ZNF618: variants seen among roughly 807,000 people sequenced by gnomAD.
ZNF618 encodes zinc finger protein 618.
Under a neutral mutation model 103.0 loss-of-function variants are expected in ZNF618, and 34 were observed. The ratio of observed to expected loss-of-function variants is 0.33; its 90% CI spans 0.25 to 0.44. The LOEUF (loss-of-function observed/expected upper bound fraction) is 0.44. Ranked by LOEUF, ZNF618 falls within the 20% of genes least tolerant of loss-of-function variation. The probability of loss-of-function intolerance (pLI) is 1.00; values close to 1 mark genes in which losing one functional copy is unlikely to be tolerated. For synonymous variants in ZNF618, 551 were observed against 542.2 expected (o/e 1.02, Z -0.23); for missense variants, 1,059 against 1,295.4 (o/e 0.82, Z 2.80).
chr9:113,886,462 C>T (rs1564128739), intron 1 of ZNF618, among the ~76,000 whole-genome samples: 3 of 151,884 alleles, frequency 2.0e-5, no homozygotes, highest in African/African-American at 7.3e-5. Context: ...AAAGAATAGA[C>T]GAAGACATTT....
chr9:113,985,619 G>A (rs1839402921), intron 2 of ZNF618, among the ~76,000 whole-genome samples: 1 of 152,304 alleles, frequency 6.6e-6, no homozygotes, highest in Non-Finnish European at 1.5e-5. Flanking sequence ...GCTCACCCAC[G>A]AGCATCTTGG....
chr9:113,998,277 G>C lies in ZNF618; in HGVS notation c.356G>C (p.Gly119Ala). 5.2e-6 allele frequency: 8 copies of C among 1,550,584 alleles called. No individual in the cohort carries two copies. The highest frequency in any genetic ancestry group is 7.0e-6 in the Non-Finnish European group (8 of 1,146,990). ...QQTLDGKAPE[G>A]SPHGGSVRSR... is the part of the protein sequence containing the mutation. ...AATTCAGATGGAAAAGCGCCCGAAG[G>C]CAGCCCCCACGGTGGATCTGTGCGA... The change falls in exon 4 of 15, where the codon GGC (glycine) becomes GCC (alanine). Residue 119 changes from glycine to alanine, a missense_variant. Transcript: ENST00000374126.
chr9:113,949,271 A>C (rs527795522), intron 1 of ZNF618, among the ~76,000 whole-genome samples: 2 of 152,344 alleles, frequency 1.3e-5, no homozygotes, highest in South Asian at 4.1e-4. Context: ...GAGCATTTCC[A>C]TTGCAGTCCC....
chr9:114,015,284 T>C (rs1274015750), intron 9 of ZNF618, among the ~76,000 whole-genome samples: 1 of 152,246 alleles, frequency 6.6e-6, no homozygotes, highest in Non-Finnish European at 1.5e-5. Flanking sequence ...ACAAAGAGTT[T>C]AGCCATTTCA....
At chr9:113,959,243 C>T (rs1047042738) in intron 1 of ZNF618, among the ~76,000 whole-genome samples, 2 of 152,036 alleles carry the variant, frequency 1.3e-5, no homozygotes, top group Admixed American at 6.5e-5. Context: ...GCCGAGATTG[C>T]GCCATTGCAC....
At chr9:113,916,966 C>A (rs1347693057) in intron 1 of ZNF618, among the ~76,000 whole-genome samples, 1 of 152,130 alleles carries the variant, frequency 6.6e-6, no homozygotes, top group Non-Finnish European at 1.5e-5. Flanking sequence ...CTCTGCCAAG[C>A]CTTTGGGCGG....
chr9:113,919,088 C>T (rs955635373), intron 1 of ZNF618, among the ~76,000 whole-genome samples: 1 of 152,124 alleles, frequency 6.6e-6, no homozygotes, highest in Non-Finnish European at 1.5e-5. Context: ...AGCTTGTTTT[C>T]AGTTTTATCC....
intron 9 of ZNF618, among the ~76,000 whole-genome samples, chr9:114,013,200 G>A (rs964958774): frequency 5.3e-5 from 8 of 152,052 alleles, no homozygotes; most frequent in Non-Finnish European, 1.0e-4. Context: ...ACTTAAAAAC[G>A]TATTTTTTTT....
chr9:113,984,724 CTT>C (rs1327592884), intron 2 of ZNF618, among the ~76,000 whole-genome samples: 1 of 152,236 alleles, frequency 6.6e-6, no homozygotes, highest in African/African-American at 2.4e-5. Context: ...CCTTCCATCT[CTT>C]TGCCTACTGA....
chr9:113,908,636 C>T (rs1351222733), intron 1 of ZNF618, among the ~76,000 whole-genome samples: 1 of 152,112 alleles, frequency 6.6e-6, no homozygotes, highest in Non-Finnish European at 1.5e-5. Context: ...CAGCAGGTTC[C>T]TATCTGCTTG....
intron 1 of ZNF618, among the ~76,000 whole-genome samples, chr9:113,933,443 G>A (rs776163011): frequency 6.6e-6 from 1 of 152,224 alleles, no homozygotes; most frequent in Admixed American, 6.5e-5. Context: ...GGGGCAGCAC[G>A]CAGGAAGAGT....
chr9:113,877,602 A>G (rs537629911), intron 1 of ZNF618, among the ~76,000 whole-genome samples: 5 of 152,058 alleles, frequency 3.3e-5, no homozygotes, highest in Non-Finnish European at 5.9e-5. Flanking sequence ...AAACTAGAAA[A>G]GTTACAGTGA....
intron 1 of ZNF618, among the ~76,000 whole-genome samples, chr9:113,924,515 T>A (rs952665151): frequency 3.3e-5 from 5 of 151,490 alleles, no homozygotes; most frequent in African/African-American, 1.2e-4. Context: ...TTTCATTAAT[T>A]TTCTCTACTC....
At chr9:113,930,572 A>G (rs937884276) in intron 1 of ZNF618, among the ~76,000 whole-genome samples, 2 of 152,242 alleles carry the variant, frequency 1.3e-5, no homozygotes, top group Admixed American at 1.3e-4. Flanking sequence ...GTTTCCCAGC[A>G]TGTGGCCTGG....
chr9:114,035,156 C>T (rs1844472737), intron 12 of ZNF618: 3 of 985,400 alleles, frequency 3.0e-6, no homozygotes, highest in Non-Finnish European at 3.6e-6. Context: ...AACAGCAGAA[C>T]TAGAAGAGAT....
chr9:114,050,178 CG>C lies in ZNF618; in HGVS notation c.*16del, dbSNP rs769448007. On this transcript the variant is annotated 3_prime_UTR_variant, in exon 15 of 15. Coordinates refer to ENST00000374126, the MANE Select transcript of ZNF618 (RefSeq NM_001318042.2). Reference sequence around the variant, plus strand: ...TCCAACATGCTTTAAGACTTGACTTCGGGGGAAAAAAAAAGAAAAAGAGAAG... The same window carrying C: ...TCCAACATGCTTTAAGACTTGACTTCGGGGAAAAAAAAAGAAAAAGAGAAG... 3 of 1,514,446 alleles carry C rather than the reference CG, an allele frequency of 2.0e-6. No individual in the cohort carries two copies. Among genetic ancestry groups the C allele is most frequent in the African/African-American group, 1.4e-5 (1 of 71,032 alleles). The allele number at this position is 1,514,446 out of a possible 1,614,324, so 93.8% of individuals were successfully genotyped here.
chr9:113,940,453 T>C (rs534013320), intron 1 of ZNF618, among the ~76,000 whole-genome samples: 1 of 152,278 alleles, frequency 6.6e-6, no homozygotes, highest in Non-Finnish European at 1.5e-5. Context: ...AAGTCTCCTA[T>C]TGTAACTGAT....
chr9:113,889,405 G>T (rs1023475644), intron 1 of ZNF618, among the ~76,000 whole-genome samples: 2 of 150,416 alleles, frequency 1.3e-5, no homozygotes, highest in African/African-American at 4.9e-5. Flanking sequence ...TATATGGCTA[G>T]ACTTCTTACG....
chr9:113,958,298 A>C (rs910154769), intron 1 of ZNF618, among the ~76,000 whole-genome samples: 4 of 152,066 alleles, frequency 2.6e-5, no homozygotes, highest in African/African-American at 4.8e-5. Context: ...GCATGCCTCT[A>C]AGTCCTCCCC....
Sources: gnomAD v4.1 joint callset for allele counts (sites outside exome capture counted in the v4.1 genomes callset) on GRCh38, gnomAD v4.1.1 for gene constraint, MANE v1.5 for transcripts, NCBI Gene and HGNC (gene_info 2026-07-23, HGNC 2026-07-21) for gene names.